The following CHRNA7 variants were observed in gnomAD, a reference collection of about 807,000 sequenced individuals.
CHRNA7 encodes the protein cholinergic receptor nicotinic alpha 7 subunit.
CHRNA7 carries 17 observed loss-of-function variants against 48.0 expected under a neutral mutation model. The ratio of observed to expected loss-of-function variants is 0.35; its 90% CI spans 0.24 to 0.53. CHRNA7 has a LOEUF of 0.53. Among genes scored for constraint, CHRNA7 ranks in the 20% least tolerant of loss-of-function variants. CHRNA7 has a pLI of 0.92. For synonymous variants in CHRNA7, 75 were observed against 242.3 expected, an observed-to-expected ratio of 0.31 and a Z score of 6.41; for missense variants, 155 against 577.7, an observed-to-expected ratio of 0.27 and a Z score of 7.50.
intron 4 of CHRNA7, among the ~76,000 whole-genome samples, chr15:32,130,685 T>C (rs1180995661): frequency 6.6e-6 from 1 of 151,908 alleles, no homozygotes; most frequent in Non-Finnish European, 1.5e-5. Context: ...TATTTCATGG[T>C]TGCTCTTGAT....
At chr15:32,095,601 C>T (rs2050455508) in intron 2 of CHRNA7, among the ~76,000 whole-genome samples, 1 of 152,196 alleles carries the variant, frequency 6.6e-6, no homozygotes, top group Non-Finnish European at 1.5e-5. Flanking sequence ...CCAGCTTCTG[C>T]ATTCAGTCTG....
chr15:32,093,971 A>G (rs2050424530), intron 2 of CHRNA7, among the ~76,000 whole-genome samples: 1 of 152,210 alleles, frequency 6.6e-6, no homozygotes, highest in African/African-American at 2.4e-5. Flanking sequence ...AAGTTTTTCC[A>G]AAGACTGCAG....
At chr15:32,107,095 C>T (rs556959778) in intron 3 of CHRNA7, among the ~76,000 whole-genome samples, 9 of 152,186 alleles carry the variant, frequency 5.9e-5, no homozygotes, top group African/African-American at 1.2e-4. Context: ...AAATAATGGA[C>T]GGGAATAATT....
intron 2 of CHRNA7, among the ~76,000 whole-genome samples, chr15:32,080,038 C>A (rs1392221484): frequency 1.3e-5 from 2 of 152,146 alleles, no homozygotes; most frequent in Non-Finnish European, 1.5e-5. Flanking sequence ...CTGACAAAAA[C>A]AAGCAATGGG....
intron 4 of CHRNA7, among the ~76,000 whole-genome samples, chr15:32,143,419 T>C (rs1275764733): frequency 6.6e-6 from 1 of 152,218 alleles, no homozygotes; most frequent in Non-Finnish European, 1.5e-5. Context: ...TGGAGAGTTC[T>C]GTAGATATCT....
chr15:32,038,056 G>A (rs376642116), intron 2 of CHRNA7, among the ~76,000 whole-genome samples: 3 of 144,216 alleles, frequency 2.1e-5, no homozygotes, highest in Non-Finnish European at 3.0e-5. Context: ...TTTTGGATAT[G>A]TATATATATA....
intron 4 of CHRNA7, among the ~76,000 whole-genome samples, chr15:32,134,468 T>C (rs1243385516): frequency 6.6e-6 from 1 of 152,222 alleles, no homozygotes; most frequent in African/African-American, 2.4e-5. Flanking sequence ...TGCATCTATA[T>C]TTTTAAGCTC....
intron 2 of CHRNA7, among the ~76,000 whole-genome samples, chr15:32,082,376 A>C (rs1188651828): frequency 6.6e-6 from 1 of 150,548 alleles, no homozygotes; most frequent in Non-Finnish European, 1.5e-5. Context: ...CTTTTTTTTC[A>C]GTTTATTTTA....
intron 4 of CHRNA7, among the ~76,000 whole-genome samples, chr15:32,134,495 T>C (rs2051212236): frequency 6.6e-6 from 1 of 152,214 alleles, no homozygotes; most frequent in Non-Finnish European, 1.5e-5. Flanking sequence ...CATTTAGCCT[T>C]CATTAATTTT....
chr15:32,119,658 T>C (rs897107027), intron 4 of CHRNA7, among the ~76,000 whole-genome samples: 2 of 152,238 alleles, frequency 1.3e-5, no homozygotes, highest in Non-Finnish European at 2.9e-5. Flanking sequence ...ATTCATATTC[T>C]CCTCTTGACT....
chr15:32,063,577 G>A (rs558347857), intron 2 of CHRNA7, among the ~76,000 whole-genome samples: 1 of 152,190 alleles, frequency 6.6e-6, no homozygotes, highest in South Asian at 2.1e-4. Context: ...AGTTATTGAT[G>A]GAGTTTCATT....
intron 2 of CHRNA7, among the ~76,000 whole-genome samples, chr15:32,088,016 C>G (rs1237211964): frequency 6.6e-6 from 1 of 152,168 alleles, no homozygotes; most frequent in East Asian, 1.9e-4. Flanking sequence ...TGAGTTTTGA[C>G]AATGCTTAAT....
At chr15:32,030,775 G>A in intron 1 of CHRNA7, 123 bp from the exon 2 acceptor site, 1 of 1,504,320 alleles carries the variant, frequency 6.6e-7, no homozygotes, top group Non-Finnish European at 8.8e-7. Context: ...GGCAGCGGGG[G>A]CGCTGCGGGG....
chr15:32,036,262 G>A (rs1902079038), intron 2 of CHRNA7, among the ~76,000 whole-genome samples: 1 of 152,150 alleles, frequency 6.6e-6, no homozygotes, highest in Non-Finnish European at 1.5e-5. Context: ...TGGCTTGATA[G>A]CTCACTCCTT....
chr15:32,141,096 G>C (rs1252533541), intron 4 of CHRNA7, among the ~76,000 whole-genome samples: 1 of 152,084 alleles, frequency 6.6e-6, no homozygotes, highest in African/African-American at 2.4e-5. Context: ...GTTAATTTTT[G>C]TATAAGGTGT....
At chr15:32,095,993 A>C (rs1210831389) in intron 2 of CHRNA7, among the ~76,000 whole-genome samples, 1 of 152,214 alleles carries the variant, frequency 6.6e-6, no homozygotes, top group East Asian at 1.9e-4. Flanking sequence ...TTTGTTTCAT[A>C]ATTGATATAT....
intron 2 of CHRNA7, among the ~76,000 whole-genome samples, chr15:32,034,724 A>T (rs192155934): frequency 6.6e-6 from 1 of 152,226 alleles, no homozygotes; most frequent in Admixed American, 6.5e-5. Context: ...TCAAGTATAA[A>T]TTATAGATTG....
chr15:32,040,047 C>A (rs534220346), intron 2 of CHRNA7, among the ~76,000 whole-genome samples: 7 of 152,200 alleles, frequency 4.6e-5, no homozygotes, highest in Admixed American at 3.9e-4. Flanking sequence ...TACGCTCTAT[C>A]TGAAATTTAC....
chr15:32,070,464 G>T (rs1422259553), intron 2 of CHRNA7, among the ~76,000 whole-genome samples: 2 of 151,944 alleles, frequency 1.3e-5, no homozygotes, highest in Non-Finnish European at 2.9e-5. Flanking sequence ...CAAAAAAAAA[G>T]TTTTTAATTT....
Sources: allele counts gnomAD v4.1 joint callset (sites outside exome capture counted in the v4.1 genomes callset), GRCh38; gene constraint gnomAD v4.1.1; transcripts MANE v1.5; gene names NCBI Gene and HGNC (gene_info 2026-07-23, HGNC 2026-07-21).